Variants in JCAD observed in about 807,000 individuals in gnomAD.
The protein encoded by JCAD is junctional cadherin 5 associated, also known as junctional cadherin 5-associated protein.
A neutral mutation model predicts 98.0 loss-of-function variants in JCAD; 40 were observed. The observed-to-expected ratio is 0.41, with a 90% confidence interval of 0.32 to 0.53. The LOEUF (loss-of-function observed/expected upper bound fraction) is 0.53. JCAD is among the 20% of genes least tolerant of loss of function. The pLI, the probability that JCAD is intolerant of heterozygous loss-of-function variation, is 0.31. For missense variants in JCAD, 1,705 were observed against 1,738.1 expected, an observed-to-expected ratio of 0.98 and a Z score of 0.34; for synonymous variants, 691 against 682.3, an observed-to-expected ratio of 1.01 and a Z score of -0.20.
rs1010277029 is a variant in JCAD at position 30,085,975 on chromosome 10, A to G, written n.129-16154T>C. Among the ~76,000 whole-genome samples the G allele has an allele frequency of 9.3e-4, 142 of 152,330 alleles. 1 individual carries two copies. The highest frequency in any genetic ancestry group is 3.2e-3 in the African/African-American group (135 of 41,554). On this transcript the variant is annotated intron_variant and non_coding_transcript_variant, in intron 1 of 2. Coordinates refer to the JCAD transcript ENST00000465712. Reference sequence around the variant, plus strand: ...AAATGTTAAAATTCAAAATTACGTGACAAATTGGGTGAGTTGCAGGCAAAA... The same window carrying G: ...AAATGTTAAAATTCAAAATTACGTGGCAAATTGGGTGAGTTGCAGGCAAAA...
chr10:30,030,043 C>G (rs554659911), intron 2 of JCAD, among the ~76,000 whole-genome samples, 177 bp from the exon 3 acceptor site: 1 of 152,194 alleles, frequency 6.6e-6, no homozygotes, highest in African/African-American at 2.4e-5. Context: ...AAGACAGCCA[C>G]GTGTTTTGGC....
At chr10:30,040,546 T>C (rs960410266) in intron 2 of JCAD, among the ~76,000 whole-genome samples, 1 of 152,248 alleles carries the variant, frequency 6.6e-6, no homozygotes, top group Non-Finnish European at 1.5e-5. Context: ...TATTCATTTA[T>C]TCAACAAATA....
intron 1 of JCAD, among the ~76,000 whole-genome samples, chr10:30,113,925 G>T (rs1389047577): frequency 6.6e-6 from 1 of 152,098 alleles, no homozygotes; most frequent in Non-Finnish European, 1.5e-5. Context: ...GCCCAGGATG[G>T]TCTTGATCTC....
rs750949344 is a variant in JCAD at position 30,027,338 on chromosome 10, A to T, written c.2810T>A (p.Val937Glu). ...GAAAGGTGCACCGCCACCTTCTTCC[A>T]CGCGAAAGCGGCCCGGGGATGGAGG... ...AWPPSPGRFR[V>E]EEGGGAPFCS... The change falls in exon 3 of 4, where the codon GTG becomes GAG. Residue 937 changes from valine to glutamate, a missense_variant. Transcript: ENST00000375377. 6.2e-6 allele frequency: 10 copies of T among 1,612,784 alleles called. No individual in the cohort carries two copies. The African/African-American group carries it at 1.2e-4, about 19-fold the overall frequency.
At chr10:30,114,250 G>T (rs1156555524) in intron 1 of JCAD, among the ~76,000 whole-genome samples, 2 of 152,136 alleles carry the variant, frequency 1.3e-5, no homozygotes, top group Non-Finnish European at 2.9e-5. Flanking sequence ...GTAATTATTT[G>T]ATAAATGTGG....
intron 1 of JCAD, among the ~76,000 whole-genome samples, chr10:30,083,690 C>T (rs1055840640): frequency 2.0e-5 from 3 of 152,238 alleles, no homozygotes; most frequent in South Asian, 2.1e-4. Context: ...TCAGCACTAG[C>T]GTAAGTCAGG....
chr10:30,030,676 C>G (rs1052751442), intron 2 of JCAD, among the ~76,000 whole-genome samples: 4 of 152,080 alleles, frequency 2.6e-5, no homozygotes, highest in South Asian at 2.1e-4. Flanking sequence ...ATTGCTGGGT[C>G]CCATCCCCAG....
chr10:30,017,660 G>A lies in JCAD; in HGVS notation c.*223C>T. On this transcript the variant is annotated 3_prime_UTR_variant, in exon 4 of 4. Coordinates refer to ENST00000375377, the MANE Select transcript of JCAD (RefSeq NM_020848.4). The stretch of plus-strand genomic sequence containing the variant: ...CTAATTATAGGCATTAAATCTTCAT[G>A]CTATAAAAACAGATGGTTTCAACGG... 1 of 602,990 alleles carries A rather than the reference G, an allele frequency of 1.7e-6. No homozygotes were observed. Among genetic ancestry groups the A allele is most frequent in the Non-Finnish European group, 2.9e-6 (1 of 343,722 alleles). 37.4% of individuals were successfully genotyped at this position (602,990 alleles called of 1,614,324 possible).
At chr10:30,113,493 A>T (rs1200212931) in intron 1 of JCAD, among the ~76,000 whole-genome samples, 2 of 141,020 alleles carry the variant, frequency 1.4e-5, no homozygotes, top group African/African-American at 5.4e-5. Flanking sequence ...GGAGGTTGCA[A>T]TGAGCCAAGA....
In JCAD at chr10:30,095,714, G is replaced by A. The variant is rs144864078; in HGVS notation, n.128+19653C>T. Reference sequence around the variant, plus strand: ...GCTGTGTCTCGCTCATCTTAGAATCGTGAGTGCCTGGCTCATGAGAGATGC... The same window carrying A: ...GCTGTGTCTCGCTCATCTTAGAATCATGAGTGCCTGGCTCATGAGAGATGC... On this transcript the variant is annotated intron_variant and non_coding_transcript_variant, in intron 1 of 2. Coordinates refer to the JCAD transcript ENST00000465712. Among the ~76,000 whole-genome samples, 1,389 of 152,296 alleles carry A rather than the reference G, an allele frequency of 9.1e-3. 9 individuals are homozygous for A. The highest frequency in any genetic ancestry group is 0.018 in the South Asian group (85 of 4,826).
intron 1 of JCAD, among the ~76,000 whole-genome samples, chr10:30,056,798 A>C (rs1837578071): frequency 6.6e-6 from 1 of 152,172 alleles, no homozygotes; most frequent in African/African-American, 2.4e-5. Flanking sequence ...AATTCAAATC[A>C]AGATAATTGA....
At chr10:30,031,033 G>A (rs1836979431) in intron 2 of JCAD, among the ~76,000 whole-genome samples, 2 of 150,978 alleles carry the variant, frequency 1.3e-5, no homozygotes, top group Non-Finnish European at 2.9e-5. Flanking sequence ...TCACCCAGTG[G>A]GCTTGTAAAA....
chr10:30,029,164 G>C lies in JCAD; in HGVS notation c.984C>G (p.Leu328=). The change falls in exon 3 of 4, where the codon CTC becomes CTG. Residue 328 remains leucine (L), a synonymous_variant. Transcript: ENST00000375377. ...GTTCCAATCCAGGGTCTGACAGGCAGAGCTCATGCCTGGGGACATAGGCGT... is the reference window on the plus strand; with the variant it reads ...GTTCCAATCCAGGGTCTGACAGGCACAGCTCATGCCTGGGGACATAGGCGT... ...QMDAYVPRHE[L]CLSDPGLEPP... is the part of the protein sequence containing the mutation. 1 of 1,614,212 alleles carries C rather than the reference G, an allele frequency of 6.2e-7. No individual in the cohort carries two copies.
chr10:30,106,504 G>A (rs1322891870), intron 1 of JCAD, among the ~76,000 whole-genome samples: 1 of 152,092 alleles, frequency 6.6e-6, no homozygotes, highest in Non-Finnish European at 1.5e-5. Flanking sequence ...GAGTAGCACA[G>A]AAGATTAGTT....
intron 1 of JCAD, among the ~76,000 whole-genome samples, chr10:30,071,054 G>A (rs1009528186): frequency 2.0e-5 from 3 of 152,010 alleles, no homozygotes; most frequent in Non-Finnish European, 2.9e-5. Context: ...ACAGACATGC[G>A]CCACCACGTC....
Position 30,017,091 on chromosome 10 carries a change from C to G in JCAD, c.*792G>C, listed in dbSNP as rs1381987875. 1.3e-5 allele frequency: 2 copies of G among 152,106 alleles called. No homozygotes were observed. The highest frequency in any genetic ancestry group is 1.5e-5 in the Non-Finnish European group (1 of 68,014). The allele number at this position is 152,106 out of a possible 1,614,324, so 9.4% of individuals were successfully genotyped here. On this transcript the variant is annotated 3_prime_UTR_variant, in exon 4 of 4. Coordinates refer to ENST00000375377, the MANE Select transcript of JCAD (RefSeq NM_020848.4). Reference sequence around the variant, plus strand: ...ATTTTCGTAAAAAGAAATATAGTCACTTTGTTAAAATGGTCTATTTTAAAC... The same window carrying G: ...ATTTTCGTAAAAAGAAATATAGTCAGTTTGTTAAAATGGTCTATTTTAAAC...
intron 1 of JCAD, among the ~76,000 whole-genome samples, chr10:30,057,785 A>T (rs915847420): frequency 1.3e-5 from 2 of 152,238 alleles, no homozygotes; most frequent in African/African-American, 4.8e-5. Context: ...TAGAGACTTC[A>T]GGAAGCTTGT....
chr10:30,084,704 A>G (rs1838138622), intron 1 of JCAD, among the ~76,000 whole-genome samples: 1 of 152,094 alleles, frequency 6.6e-6, no homozygotes. Flanking sequence ...GGGTCTTAGG[A>G]TTCTCAACTC....
chr10:30,015,485 G>A lies in JCAD; in HGVS notation c.*2398C>T, dbSNP rs1293057708. The A allele has an allele frequency of 6.6e-6, 1 of 152,132 alleles. No homozygotes were observed. The highest frequency in any genetic ancestry group is 1.5e-5 in the Non-Finnish European group (1 of 68,024). 9.4% of individuals were successfully genotyped at this position (152,132 alleles called of 1,614,324 possible). On this transcript the variant is annotated 3_prime_UTR_variant, in exon 4 of 4. Transcript: ENST00000375377. ...TCCCCCCAAAAAAGATTTACATGTA[G>A]GCTTAAATTTAGAACAGTTAAAGTA...
Sources: gnomAD v4.1 joint callset for allele counts (sites outside exome capture counted in the v4.1 genomes callset) on GRCh38, gnomAD v4.1.1 for gene constraint, MANE v1.5 for transcripts, NCBI Gene and HGNC (gene_info 2026-07-23, HGNC 2026-07-21) for gene names.